The following GADL1 variants were observed in gnomAD, a reference collection of about 807,000 sequenced individuals.
GADL1 encodes GAD like acidic amino acid decarboxylase 1.
GADL1 carries 71 observed loss-of-function variants against 69.5 expected under a neutral mutation model. That is an observed-to-expected ratio of 1.02 (90% CI 0.84 to 1.25). GADL1 has a LOEUF of 1.25. Ranked by LOEUF, GADL1 falls within the 50% of genes most tolerant of loss-of-function variation. The pLI is 0.00. For synonymous variants in GADL1, 254 were observed against 214.4 expected, an observed-to-expected ratio of 1.18 and a Z score of -1.62; for missense variants, 737 against 631.8, an observed-to-expected ratio of 1.17 and a Z score of -1.79.
intron 1 of GADL1, among the ~76,000 whole-genome samples, chr3:30,868,741 CAG>C (rs1156935053): frequency 6.6e-6 from 1 of 151,900 alleles, no homozygotes; most frequent in Admixed American, 6.6e-5. Context: ...AGGGTTTTGT[CAG>C]AAAGTCTGCC....
At chr3:30,823,307 G>A (rs1348347085) in intron 11 of GADL1, among the ~76,000 whole-genome samples, 1 of 151,906 alleles carries the variant, frequency 6.6e-6, no homozygotes. Context: ...GTGGAGACCT[G>A]GAGTATTATC....
chr3:30,775,634 C>T (rs575968763), intron 14 of GADL1, among the ~76,000 whole-genome samples: 2 of 152,014 alleles, frequency 1.3e-5, no homozygotes, highest in East Asian at 3.9e-4. Flanking sequence ...CAAGGGGAAA[C>T]CATGGTTGTA....
intron 9 of GADL1, among the ~76,000 whole-genome samples, chr3:30,837,665 T>C (rs780094856): frequency 2.0e-5 from 3 of 152,132 alleles, no homozygotes; most frequent in Admixed American, 1.3e-4. Context: ...ATAATCCATA[T>C]GTGATGTTTC....
At chr3:30,783,535 TCA>T (rs1390582410) in intron 13 of GADL1, among the ~76,000 whole-genome samples, 18 of 152,282 alleles carry the variant, frequency 1.2e-4, no homozygotes, top group African/African-American at 3.8e-4. Flanking sequence ...ACATACTCTC[TCA>T]AATACATGTA....
chr3:30,766,904 T>C (rs140737676), intron 14 of GADL1, among the ~76,000 whole-genome samples: 5 of 152,290 alleles, frequency 3.3e-5, no homozygotes, highest in East Asian at 1.9e-4. Flanking sequence ...ATTATTGTGA[T>C]AGTGTTAAGG....
chr3:30,812,841 T>A (rs1417748879), intron 11 of GADL1, among the ~76,000 whole-genome samples: 1 of 151,898 alleles, frequency 6.6e-6, no homozygotes, highest in Non-Finnish European at 1.5e-5. Flanking sequence ...TTAGGTAGCC[T>A]ACAATATGGT....
chr3:30,753,952 C>T (rs1695899630), intron 14 of GADL1, among the ~76,000 whole-genome samples: 1 of 152,136 alleles, frequency 6.6e-6, no homozygotes, highest in African/African-American at 2.4e-5. Flanking sequence ...GACATCACTA[C>T]TGTTAGCACG....
intron 1 of GADL1, among the ~76,000 whole-genome samples, chr3:30,883,598 T>C (rs930157685): frequency 6.6e-6 from 1 of 152,048 alleles, no homozygotes; most frequent in Non-Finnish European, 1.5e-5. Flanking sequence ...AATTTCTTTT[T>C]CTTTTAAAAA....
intron 6 of GADL1, among the ~76,000 whole-genome samples, 153 bp from the exon 7 acceptor site, chr3:30,844,619 A>G (rs1698025269): frequency 6.6e-6 from 1 of 152,210 alleles, no homozygotes; most frequent in African/African-American, 2.4e-5. Context: ...TCCTTAGCAT[A>G]GTGGTTGAGA....
At position 30,740,973 on chromosome 3, in the gene GADL1, A is replaced by G. The variant is rs934282876; in HGVS notation, c.1393-12558T>C. ...CAAATATATTTATTATATATTATATATTAATATATATTATATATTATATAT... is the reference window on the plus strand; with the variant it reads ...CAAATATATTTATTATATATTATATGTTAATATATATTATATATTATATAT... On this transcript the variant is annotated intron_variant, in intron 14 of 14. Transcript: ENST00000282538. Among the ~76,000 whole-genome samples the G allele has an allele frequency of 5.1e-3, 665 of 130,904 alleles. 12 individuals carry two copies. The highest frequency in any genetic ancestry group is 0.02 in the African/African-American group (605 of 30,884). The allele number at this position is 130,904 out of a possible 152,430, so 85.9% of individuals were successfully genotyped here.
rs141906853 is a variant in GADL1, at chr3:30,765,167, T to A, written c.1392+13012A>T. 5.9e-3 allele frequency among the ~76,000 whole-genome samples: 893 copies of A among 152,286 alleles called. 8 individuals are homozygous for A. The highest frequency in any genetic ancestry group is 0.021 in the African/African-American group (861 of 41,548). On this transcript the variant is annotated intron_variant, in intron 14 of 14. Coordinates refer to ENST00000282538, the MANE Select transcript of GADL1 (RefSeq NM_207359.3). ...CAACATTAGAAGAGCCATCAAAATGTTCATCTCCCCTAACATGTCTTCCTT... is the reference window on the plus strand; with the variant it reads ...CAACATTAGAAGAGCCATCAAAATGATCATCTCCCCTAACATGTCTTCCTT...
intron 1 of GADL1, among the ~76,000 whole-genome samples, chr3:30,872,620 T>G (rs1698508842): frequency 6.6e-6 from 1 of 151,974 alleles, no homozygotes; most frequent in Non-Finnish European, 1.5e-5. Context: ...ATGGTCTTGG[T>G]GATACTGTCA....
intron 9 of GADL1, among the ~76,000 whole-genome samples, chr3:30,837,306 T>C (rs969722510): frequency 2.0e-5 from 3 of 152,110 alleles, no homozygotes; most frequent in African/African-American, 4.8e-5. Context: ...GTTCCTGTAG[T>C]AATATTTTAT....
At chr3:30,823,895 AAG>A (rs915218815) in intron 11 of GADL1, among the ~76,000 whole-genome samples, 9 of 152,084 alleles carry the variant, frequency 5.9e-5, no homozygotes, top group African/African-American at 2.2e-4. Context: ...GCTGAAGAGA[AAG>A]AATTTCAAGA....
chr3:30,758,081 AG>A (rs1390713833), intron 14 of GADL1, among the ~76,000 whole-genome samples: 1 of 152,214 alleles, frequency 6.6e-6, no homozygotes, highest in Admixed American at 6.5e-5. Context: ...AAAGCTTCAT[AG>A]CTTTCATAGT....
chr3:30,845,665 C>T (rs1020213277), intron 6 of GADL1, among the ~76,000 whole-genome samples: 3 of 152,082 alleles, frequency 2.0e-5, no homozygotes, highest in African/African-American at 4.8e-5. Flanking sequence ...GCTTTTATTT[C>T]AGGTTGTTAA....
Position 30,854,710 on chromosome 3 carries a change from C to G in GADL1, c.417G>C (p.Leu139Phe). 1 of 1,546,142 alleles carries G rather than the reference C, an allele frequency of 6.5e-7. No homozygotes were observed. Among genetic ancestry groups the G allele is most frequent in the African/African-American group, 1.4e-5 (1 of 72,922 alleles). ...SLVARFMTEA[L>F]NPSVYTYEVS... is the part of the protein sequence containing the mutation. Reference sequence around the variant, plus strand: ...AGCATGGCACTTACACACTTGGATTCAATGCTTCGGTCATAAATCGGGCCA... The same window carrying G: ...AGCATGGCACTTACACACTTGGATTGAATGCTTCGGTCATAAATCGGGCCA... The change falls in exon 4 of 15, where the codon TTG becomes TTC. Residue 139 changes from leucine (L) to phenylalanine (F), a missense_variant. By Grantham distance (22) the Leu-to-Phe change is conservative (BLOSUM62 0). Transcript: ENST00000282538.
intron 1 of GADL1, among the ~76,000 whole-genome samples, chr3:30,881,084 G>A (rs1575246872): frequency 6.6e-6 from 1 of 151,910 alleles, no homozygotes; most frequent in African/African-American, 2.4e-5. Flanking sequence ...GTAGAAAGCT[G>A]TAATATTCCT....
intron 1 of GADL1, among the ~76,000 whole-genome samples, chr3:30,865,577 G>A (rs1268821609): frequency 6.6e-6 from 1 of 151,974 alleles, no homozygotes; most frequent in Non-Finnish European, 1.5e-5. Flanking sequence ...ACCTGATTAA[G>A]CAGGGGAAAC....
Sources: gnomAD v4.1 joint callset for allele counts (sites outside exome capture counted in the v4.1 genomes callset) on GRCh38, gnomAD v4.1.1 for gene constraint, MANE v1.5 for transcripts, NCBI Gene and HGNC (gene_info 2026-07-23, HGNC 2026-07-21) for gene names.